The following POC1A variants were observed in gnomAD, a reference collection of about 807,000 sequenced individuals.
POC1A encodes the protein POC1 centriolar protein homolog A.
In POC1A, 34 loss-of-function variants were observed where a neutral mutation model predicts 47.8. The ratio of observed to expected loss-of-function variants is 0.71; its 90% CI spans 0.54 to 0.95. The LOEUF (loss-of-function observed/expected upper bound fraction) is 0.95, where lower values mean the gene tolerates loss of function less well. Ranked by LOEUF, POC1A falls within the 40% of genes least tolerant of loss-of-function variation. The pLI is 0.00. For missense variants in POC1A, 466 were observed against 528.3 expected (o/e 0.88, Z 1.16); for synonymous variants, 177 against 207.6 (o/e 0.85, Z 1.27).
rs1367522033 is a variant in POC1A, at chr3:52,151,047, A to G, written c.72T>C (p.Cys24=). Residue 24 remains cysteine (C), a synonymous_variant, in exon 2 of 11, where the codon TGT becomes TGC. Transcript: ENST00000296484. ...HFKGHRDAVT[C]VDFSINTKQL... The stretch of plus-strand genomic sequence containing the variant: ...GCTTTGTGTTGATACTGAAGTCCAC[A>G]CAGGTAACTGCATCTCGGTGGCCCT... 1.9e-6 allele frequency: 3 copies of G among 1,612,534 alleles called. No individual in the cohort carries two copies. In the African/African-American group the frequency reaches 4.0e-5, roughly 22 times the overall value.
At chr3:52,100,333 G>A (rs78865519) in intron 9 of POC1A, among the ~76,000 whole-genome samples, 89 of 152,320 alleles carry the variant, frequency 5.8e-4, no homozygotes, top group Non-Finnish European at 1.1e-3. Flanking sequence ...TGAATTGACC[G>A]TGATCTCCCT....
At chr3:52,119,747 C>T (rs1703700386) in intron 9 of POC1A, among the ~76,000 whole-genome samples, 1 of 152,112 alleles carries the variant, frequency 6.6e-6, no homozygotes, top group South Asian at 2.1e-4. Flanking sequence ...GGTGAAGATG[C>T]TACTGGCATC....
chr3:52,106,687 C>A (rs1032311409), intron 9 of POC1A, among the ~76,000 whole-genome samples: 1 of 152,118 alleles, frequency 6.6e-6, no homozygotes, highest in African/African-American at 2.4e-5. Context: ...AGGCAGGGAT[C>A]ACAGGTGCCT....
intron 6 of POC1A, among the ~76,000 whole-genome samples, chr3:52,145,466 C>T (rs1395386190): frequency 1.3e-5 from 2 of 152,234 alleles, no homozygotes. Context: ...CACCTTGGCC[C>T]TGGAGGGCAG....
chr3:52,150,257 C>A (rs929061066), intron 2 of POC1A, among the ~76,000 whole-genome samples: 1 of 152,196 alleles, frequency 6.6e-6, no homozygotes, highest in South Asian at 2.1e-4. Flanking sequence ...CAATCCAGAG[C>A]TCTGGGAAAA....
chr3:52,143,276 C>G (rs1442602484), intron 6 of POC1A, among the ~76,000 whole-genome samples: 1 of 152,086 alleles, frequency 6.6e-6, no homozygotes, highest in Admixed American at 6.5e-5. Context: ...TGGAGCTCAT[C>G]TGAGTCCATC....
At chr3:52,138,351 C>T (rs544067918) in intron 6 of POC1A, 49 bp from the exon 7 acceptor site, 6 of 1,574,820 alleles carry the variant, frequency 3.8e-6, no homozygotes, top group Admixed American at 3.7e-5. Flanking sequence ...ACAGGGAGCA[C>T]AGCTGAAGCC....
intron 9 of POC1A, among the ~76,000 whole-genome samples, chr3:52,097,146 C>G (rs781439134): frequency 6.6e-6 from 1 of 152,264 alleles, no homozygotes; most frequent in Non-Finnish European, 1.5e-5. Flanking sequence ...CAGCTCAACT[C>G]TAATTCCCCA....
At chr3:52,082,898 C>T (rs1311945903) in intron 10 of POC1A, among the ~76,000 whole-genome samples, 1 of 152,170 alleles carries the variant, frequency 6.6e-6, no homozygotes, top group Non-Finnish European at 1.5e-5. Flanking sequence ...TCAGATGCGT[C>T]CTTCTCTACT....
chr3:52,125,145 C>G lies in POC1A; in HGVS notation c.850G>C (p.Glu284Gln). ...ATTVAFSRTG[E>Q]YFASGGSDEQ... is the part of the protein sequence containing the mutation. The stretch of plus-strand genomic sequence containing the variant: ...TCAGAGCCTCCAGAAGCAAAATACT[C>G]CCCCGTTCTTGAAAAGGCAACAGTG... The change falls in exon 8 of 11, where the codon GAG (glutamate) becomes CAG (glutamine). Residue 284 changes from glutamate to glutamine, a missense_variant. Glu to Gln is a conservative substitution (Grantham distance 29). Transcript: ENST00000296484. 6.2e-7 allele frequency: 1 copy of G among 1,613,982 alleles called. No homozygotes were observed. Among genetic ancestry groups the G allele is most frequent in the Non-Finnish European group, 8.5e-7 (1 of 1,179,860 alleles).
At chr3:52,147,911 AAG>A (rs1394287960) in intron 4 of POC1A, among the ~76,000 whole-genome samples, 5 of 152,120 alleles carry the variant, frequency 3.3e-5, no homozygotes, top group Non-Finnish European at 5.9e-5. Context: ...AAAAGGGAAA[AAG>A]AGAAATTCTT....
At chr3:52,085,308 G>A (rs905517286) in intron 10 of POC1A, among the ~76,000 whole-genome samples, 6 of 152,242 alleles carry the variant, frequency 3.9e-5, no homozygotes, top group Middle Eastern at 3.4e-3. Flanking sequence ...GTGCCCCTCC[G>A]GCCTGCTCCT....
intron 7 of POC1A, among the ~76,000 whole-genome samples, chr3:52,125,859 G>A (rs1269036263): frequency 6.6e-6 from 1 of 152,208 alleles, no homozygotes; most frequent in East Asian, 1.9e-4. Context: ...GGAATGCCAG[G>A]CACACGCCAG....
At chr3:52,101,040 G>A (rs1484790492) in intron 9 of POC1A, among the ~76,000 whole-genome samples, 1 of 148,500 alleles carries the variant, frequency 6.7e-6, no homozygotes, top group Non-Finnish European at 1.5e-5. Context: ...GACAGAGTCT[G>A]CTTAAGACTG....
intron 9 of POC1A, among the ~76,000 whole-genome samples, chr3:52,106,893 G>T (rs1178139663): frequency 2.0e-5 from 3 of 152,214 alleles, no homozygotes; most frequent in East Asian, 3.8e-4. Flanking sequence ...GCATTTCCAA[G>T]AATTTTCCCC....
rs910676509 is a variant in POC1A at position 52,079,620 on chromosome 3, G to C, written c.1126-3635C>G. On this transcript the variant is annotated intron_variant, in intron 10 of 10. Transcript: ENST00000296484. The surrounding 1 kb of genome is among the most constrained non-coding windows in gnomAD (Gnocchi z 4.6). The stretch of plus-strand genomic sequence containing the variant: ...TAGCCCCTCAGAAGGTCCCCAAAGA[G>C]GTACAGGCTGTGTCAGGTGCCAGGT... Among the ~76,000 whole-genome samples the C allele has an allele frequency of 6.6e-6, 1 of 152,250 alleles. No homozygotes were observed.
intron 10 of POC1A, among the ~76,000 whole-genome samples, chr3:52,092,915 C>T (rs1421390372): frequency 6.6e-6 from 1 of 152,194 alleles, no homozygotes; most frequent in Non-Finnish European, 1.5e-5. Flanking sequence ...GAAGCTGCCC[C>T]ACTTGCTGGC....
intron 10 of POC1A, among the ~76,000 whole-genome samples, chr3:52,076,956 GGAT>G (rs1377313431): frequency 6.6e-6 from 1 of 152,282 alleles, no homozygotes; most frequent in Non-Finnish European, 1.5e-5. Flanking sequence ...CTCTGGCTTT[GGAT>G]AGAGTGTCAG....
chr3:52,094,843 T>C (rs1414826466), intron 10 of POC1A, among the ~76,000 whole-genome samples: 2 of 152,180 alleles, frequency 1.3e-5, no homozygotes, highest in Admixed American at 6.5e-5. Flanking sequence ...ACAGAAGCAT[T>C]GAGACATCTA....
Sources: allele counts gnomAD v4.1 joint callset (sites outside exome capture counted in the v4.1 genomes callset), GRCh38; gene constraint gnomAD v4.1.1; non-coding constraint Gnocchi (gnomAD v3.1); transcripts MANE v1.5; gene names NCBI Gene and HGNC (gene_info 2026-07-23, HGNC 2026-07-21).